The following SPATA21 variants were observed in gnomAD, a reference collection of about 807,000 sequenced individuals.
The protein encoded by SPATA21 is spermatogenesis associated 21, also known as spermatogenesis-associated protein 21.
A neutral mutation model predicts 54.8 loss-of-function variants in SPATA21; 47 were observed. That is an observed-to-expected ratio of 0.86 (90% confidence interval 0.68 to 1.09). The LOEUF is 1.09. Among genes scored for constraint, SPATA21 ranks in the 50% least tolerant of loss-of-function variants. The pLI is 0.00. For missense variants in SPATA21, 599 were observed against 596.4 expected, an observed-to-expected ratio of 1.00 and a Z score of -0.05; for synonymous variants, 245 against 235.3, an observed-to-expected ratio of 1.04 and a Z score of -0.38.
At chr1:16,415,816 C>T (rs988704470) in intron 5 of SPATA21, among the ~76,000 whole-genome samples, 3 of 152,178 alleles carry the variant, frequency 2.0e-5, no homozygotes, top group African/African-American at 7.2e-5. Flanking sequence ...CCTCGGCCTC[C>T]CAAAGTGCTG....
chr1:16,422,214 C>T (rs1388295562), intron 3 of SPATA21: 1 of 1,420,494 alleles, frequency 7.0e-7, no homozygotes, highest in Admixed American at 2.9e-5. Flanking sequence ...ACAAGGACAC[C>T]ACGGCTGGGG....
In SPATA21 at chr1:16,423,469, T is replaced by C. The variant is rs1024898623; in HGVS notation, c.35-1498A>G. ...ATGGTATATCCATAGAATGGAAATA[T>C]TACTGAGCAACCAAAAGAACAACAT... On this transcript the variant is annotated intron_variant, in intron 3 of 12. Transcript: ENST00000335496. Among the ~76,000 whole-genome samples the C allele has an allele frequency of 2.7e-5, 4 of 149,550 alleles. No homozygotes were observed. The East Asian group carries it at 5.8e-4, about 22-fold the overall frequency.
chr1:16,430,651 C>T (rs1018792741), intron 3 of SPATA21, among the ~76,000 whole-genome samples: 2 of 152,092 alleles, frequency 1.3e-5, no homozygotes, highest in Non-Finnish European at 1.5e-5. Flanking sequence ...GTTTGCTCAC[C>T]CTGCAGCTCT....
chr1:16,398,268 G>T, downstream of SPATA21: 1 of 159,906 alleles, frequency 6.3e-6, no homozygotes, highest in South Asian at 1.7e-4. Context: ...ACGAGGCCGG[G>T]TGGTATGTGG....
Position 16,416,656 on chromosome 1 carries a change from G to A in SPATA21, c.144+4853C>T, listed in dbSNP as rs1002769340. On this transcript the variant is annotated intron_variant, in intron 5 of 12. Transcript: ENST00000335496. ...TCACACCACTACAGCACTCCAGCCT[G>A]GGCGACAGAGAGAGACTCCATCTCA... Among the ~76,000 whole-genome samples, 3 of 148,718 alleles carry A rather than the reference G, an allele frequency of 2.0e-5. No homozygotes were observed. The South Asian group carries it at 6.4e-4, about 32-fold the overall frequency.
chr1:16,410,053 G>C lies in SPATA21; in HGVS notation c.145-10C>G, dbSNP rs750465368. 1 of 1,531,632 alleles carries C rather than the reference G, an allele frequency of 6.5e-7. No homozygotes were observed. 94.9% of individuals were successfully genotyped at this position (1,531,632 alleles called of 1,614,324 possible). ...CAATGTCCCTCACCTCCTGGGGACA[G>C]GGGAGGGGATCCAGGAGGCCTCTAG... is the stretch of plus-strand genomic sequence containing the variant. On this transcript the variant is annotated splice_polypyrimidine_tract_variant and intron_variant, in intron 5 of 12. Coordinates refer to ENST00000335496, the MANE Select transcript of SPATA21 (RefSeq NM_198546.1).
chr1:16,411,872 T>TCTATTG (rs938309497), intron 5 of SPATA21, among the ~76,000 whole-genome samples: 12 of 151,428 alleles, frequency 7.9e-5, no homozygotes, highest in African/African-American at 2.9e-4. Context: ...CTGCTCCCCT[T>TCTATTG]CTATTGCAAA....
intron 1 of SPATA21, among the ~76,000 whole-genome samples, chr1:16,436,229 G>T (rs948256613): frequency 1.3e-5 from 2 of 151,866 alleles, no homozygotes; most frequent in African/African-American, 4.8e-5. Context: ...TCTACTAAAA[G>T]TACAGAATTA....
chr1:16,425,443 G>C, intron 3 of SPATA21: 1 of 1,419,318 alleles, frequency 7.0e-7, no homozygotes, highest in Non-Finnish European at 9.6e-7. Context: ...ACCAGAATGG[G>C]GGGCATGATA....
At chr1:16,401,793 T>C (rs1455343932) in intron 10 of SPATA21, among the ~76,000 whole-genome samples, 1 of 152,104 alleles carries the variant, frequency 6.6e-6, no homozygotes, top group East Asian at 1.9e-4. Context: ...GTTACCCAAT[T>C]ATAGCCCGCA....
At chr1:16,402,876 TA>T (rs1570093669) in intron 10 of SPATA21, among the ~76,000 whole-genome samples, 1 of 152,160 alleles carries the variant, frequency 6.6e-6, no homozygotes, top group Non-Finnish European at 1.5e-5. Flanking sequence ...CAGTGAGTCG[TA>T]ATTGTATCAC....
chr1:16,408,656 G>T, intron 7 of SPATA21: 1 of 310,022 alleles, frequency 3.2e-6, no homozygotes, highest in Non-Finnish European at 4.7e-6. Flanking sequence ...TGGATCACTT[G>T]AGTTCAGGAG....
intron 1 of SPATA21, among the ~76,000 whole-genome samples, chr1:16,433,450 C>T (rs1313236935): frequency 6.6e-6 from 1 of 152,206 alleles, no homozygotes; most frequent in Non-Finnish European, 1.5e-5. Flanking sequence ...TCCCCAGCCT[C>T]TTTCTCATTA....
intron 5 of SPATA21, among the ~76,000 whole-genome samples, chr1:16,416,736 T>C (rs1260864890): frequency 6.6e-6 from 1 of 151,346 alleles, no homozygotes; most frequent in Non-Finnish European, 1.5e-5. Flanking sequence ...AGGGAGGGAC[T>C]GGCTGGAACA....
In SPATA21 at chr1:16,409,243, C is replaced by G. The variant is rs200327776; in HGVS notation, c.588-40G>C. ...ACCCCGACCCAGGGCAACATCCGGC[C>G]GCCCACCCTGCTGATAGCTAGGGGA... On this transcript the variant is annotated intron_variant, in intron 6 of 12. Coordinates refer to ENST00000335496, the MANE Select transcript of SPATA21 (RefSeq NM_198546.1). This position sits in a 1 kb window ranked among gnomAD's most constrained non-coding sequence, Gnocchi z 4.1. The G allele has an allele frequency of 6.2e-7, 1 of 1,610,492 alleles. No homozygotes were observed. The highest frequency in any genetic ancestry group is 8.5e-7 in the Non-Finnish European group (1 of 1,177,520).
At chr1:16,425,692 C>T (rs1050969110) in intron 3 of SPATA21, 1 of 1,550,020 alleles carries the variant, frequency 6.5e-7, no homozygotes, top group East Asian at 2.5e-5. Context: ...CTTGCAGCTC[C>T]TGGGACCCTT....
chr1:16,413,978 A>C (rs992012448), intron 5 of SPATA21, among the ~76,000 whole-genome samples: 4 of 151,962 alleles, frequency 2.6e-5, no homozygotes, highest in African/African-American at 9.7e-5. Context: ...CAGATGTTCC[A>C]GTTTCTCCAC....
At chr1:16,397,571 G>A (rs536323544), downstream of SPATA21, 1 of 152,280 alleles carries the variant, frequency 6.6e-6, no homozygotes, top group South Asian at 2.1e-4. This position sits in a 1 kb window ranked among gnomAD's most constrained non-coding sequence, Gnocchi z 5.4. Context: ...CTGCCTTCAC[G>A]GTACTGTCCC....
At chr1:16,427,889 C>A (rs909414519) in intron 3 of SPATA21, 3 of 1,549,672 alleles carry the variant, frequency 1.9e-6, no homozygotes, top group Non-Finnish European at 2.6e-6. Context: ...GGCCCCTGCT[C>A]CTGGATTCTG....
Sources: allele counts gnomAD v4.1 joint callset (sites outside exome capture counted in the v4.1 genomes callset), GRCh38; gene constraint gnomAD v4.1.1; non-coding constraint Gnocchi (gnomAD v3.1); transcripts MANE v1.5; gene names NCBI Gene and HGNC (gene_info 2026-07-23, HGNC 2026-07-21).